HPCAL1: variants seen among roughly 807,000 people sequenced by gnomAD.
HPCAL1 encodes hippocalcin-like protein 1.
A neutral mutation model predicts 17.1 loss-of-function variants in HPCAL1; 8 were observed. That is an observed-to-expected ratio of 0.47 (90% CI 0.27 to 0.84). The LOEUF is 0.84. Ranked by LOEUF, HPCAL1 falls within the 40% of genes least tolerant of loss-of-function variation. HPCAL1 has a pLI of 0.13. For synonymous variants in HPCAL1, 112 were observed against 111.4 expected, an observed-to-expected ratio of 1.01 and a Z score of -0.03; for missense variants, 165 against 271.1, an observed-to-expected ratio of 0.61 and a Z score of 2.75.
At chr2:10,358,664 G>A (rs934976506) in intron 1 of HPCAL1, among the ~76,000 whole-genome samples, 4 of 152,166 alleles carry the variant, frequency 2.6e-5, no homozygotes, top group Non-Finnish European at 5.9e-5. Context: ...AACAGATGCC[G>A]GCACGCTGGC....
rs1305103099 is a variant in HPCAL1, at chr2:10,377,419, C to T, written c.-110-19416C>T. Among the ~76,000 whole-genome samples, 5 of 152,218 alleles carry T rather than the reference C, an allele frequency of 3.3e-5. No homozygotes were observed. Among genetic ancestry groups the T allele is most frequent in the Non-Finnish European group, 5.9e-5 (4 of 68,034 alleles). On this transcript the variant is annotated intron_variant, in intron 1 of 4. Coordinates refer to ENST00000307845, the MANE Select transcript of HPCAL1 (RefSeq NM_002149.4). This position sits in a 1 kb window ranked among gnomAD's most constrained non-coding sequence, Gnocchi z 5.9. The stretch of plus-strand genomic sequence containing the variant: ...TCTGCCGGCTGCTCAACTCTGTGGA[C>T]ACCAGTACAGTCAACAACTCTCACT...
At chr2:10,361,641 T>G (rs1666532447) in intron 1 of HPCAL1, among the ~76,000 whole-genome samples, 1 of 152,204 alleles carries the variant, frequency 6.6e-6, no homozygotes, top group African/African-American at 2.4e-5. Flanking sequence ...TATCTTTTGA[T>G]AATCACATAA....
chr2:10,407,439 C>T (rs922562385), intron 2 of HPCAL1, among the ~76,000 whole-genome samples: 6 of 152,354 alleles, frequency 3.9e-5, no homozygotes, highest in East Asian at 1.9e-4. Context: ...CTGTGCTAGG[C>T]GCTTGGAATA....
chr2:10,324,195 G>A (rs1037586312), intron 1 of HPCAL1, among the ~76,000 whole-genome samples: 1 of 152,206 alleles, frequency 6.6e-6, no homozygotes, highest in African/African-American at 2.4e-5. Context: ...CTGTTTCATT[G>A]TCATGTCAGT....
At chr2:10,382,071 C>T (rs938074972) in intron 1 of HPCAL1, among the ~76,000 whole-genome samples, 2 of 152,178 alleles carry the variant, frequency 1.3e-5, no homozygotes, top group Admixed American at 1.3e-4. Context: ...AGCTGTGGTG[C>T]ATCCAGACAA....
At position 10,342,337 on chromosome 2, in the gene HPCAL1, T is replaced by G; in HGVS notation, c.-111+39160T>G. Among the ~76,000 whole-genome samples the G allele has an allele frequency of 6.6e-6, 1 of 152,166 alleles. No homozygotes were observed. Among genetic ancestry groups the G allele is most frequent in the Middle Eastern group, 3.2e-3 (1 of 316 alleles). On this transcript the variant is annotated intron_variant, in intron 1 of 4. Transcript: ENST00000307845. This position sits in a 1 kb window ranked among gnomAD's most constrained non-coding sequence, Gnocchi z 4.1. Reference sequence around the variant, plus strand: ...CGCCCGCCTCCAGGGGCACACTGCATTCTTTGTGGAAGTGTCCCTGGAATG... The same window carrying G: ...CGCCCGCCTCCAGGGGCACACTGCAGTCTTTGTGGAAGTGTCCCTGGAATG...
intron 1 of HPCAL1, among the ~76,000 whole-genome samples, chr2:10,381,820 G>C (rs1261101034): frequency 1.3e-5 from 2 of 152,172 alleles, no homozygotes; most frequent in Non-Finnish European, 1.5e-5. Context: ...CTGCTGGTGG[G>C]AACGCAAAAC....
chr2:10,337,448 T>C (rs1664788319), intron 1 of HPCAL1, among the ~76,000 whole-genome samples: 1 of 152,132 alleles, frequency 6.6e-6, no homozygotes, highest in East Asian at 1.9e-4. Flanking sequence ...AGAACAATAT[T>C]ATTAGGTAGA....
chr2:10,423,972 A>G, intron 4 of HPCAL1: 1 of 153,744 alleles, frequency 6.5e-6, no homozygotes. Flanking sequence ...GGGCGCCTGT[A>G]GTCCCAGCTA....
At chr2:10,382,810 C>A (rs1476844820) in intron 1 of HPCAL1, among the ~76,000 whole-genome samples, 1 of 152,288 alleles carries the variant, frequency 6.6e-6, no homozygotes, top group Non-Finnish European at 1.5e-5. Flanking sequence ...GGAGTGTGCT[C>A]TCCACAGCAA....
intron 2 of HPCAL1, among the ~76,000 whole-genome samples, chr2:10,416,902 C>T (rs527277438): frequency 1.3e-5 from 2 of 152,128 alleles, no homozygotes; most frequent in Non-Finnish European, 2.9e-5. Context: ...CCCCTATCTG[C>T]ACATTGTTCT....
chr2:10,349,619 C>T (rs529178129), intron 1 of HPCAL1, among the ~76,000 whole-genome samples: 27 of 131,928 alleles, frequency 2.0e-4, no homozygotes, highest in African/African-American at 7.1e-4. Context: ...AGGAGAATGG[C>T]GTGAACCTGG....
chr2:10,360,177 G>A lies in HPCAL1; in HGVS notation c.-110-36658G>A, dbSNP rs116117686. On this transcript the variant is annotated intron_variant, in intron 1 of 4. Coordinates refer to ENST00000307845, the MANE Select transcript of HPCAL1 (RefSeq NM_002149.4). ...CTGCGGTCTCCAGGAGCTGGCAAGG[G>A]AGGGGTGCACCACCAGGGAAGGGAA... Among the ~76,000 whole-genome samples, 1,154 of 152,264 alleles carry A rather than the reference G, an allele frequency of 7.6e-3. 18 individuals carry two copies. The highest frequency in any genetic ancestry group is 0.027 in the African/African-American group (1,109 of 41,542).
intron 1 of HPCAL1, among the ~76,000 whole-genome samples, chr2:10,312,538 CCACCAT>C (rs1007685730): frequency 1.3e-5 from 2 of 151,078 alleles, no homozygotes. Context: ...ATCATCACCA[CCACCAT>C]CACCATCATC....
chr2:10,358,727 A>G (rs767839008), intron 1 of HPCAL1, among the ~76,000 whole-genome samples: 8 of 152,106 alleles, frequency 5.3e-5, no homozygotes, highest in Non-Finnish European at 1.0e-4. Context: ...GTCGGAGAAG[A>G]GTCAGGAAAA....
intron 2 of HPCAL1, among the ~76,000 whole-genome samples, chr2:10,401,166 G>A (rs1006832184): frequency 6.6e-6 from 1 of 152,148 alleles, no homozygotes; most frequent in African/African-American, 2.4e-5. Context: ...AGCCAGCCAG[G>A]CTCCTCCCCA....
chr2:10,375,316 G>A (rs1427402509), intron 1 of HPCAL1, among the ~76,000 whole-genome samples: 1 of 152,176 alleles, frequency 6.6e-6, no homozygotes, highest in African/African-American at 2.4e-5. Context: ...TTCTTACCTA[G>A]AATTCACCAG....
At chr2:10,420,195 C>G (rs968391293) in intron 3 of HPCAL1, 60 bp downstream of exon 3, 3 of 1,451,104 alleles carry the variant, frequency 2.1e-6, no homozygotes, top group South Asian at 1.3e-5. Flanking sequence ...CAGCTCCCAG[C>G]CCCCAGCCCA....
At chr2:10,311,608 A>G (rs10201248) in intron 1 of HPCAL1, among the ~76,000 whole-genome samples, 111,932 of 151,974 alleles carry the variant, frequency 0.74, 42,081 homozygotes, top group East Asian at 0.91. Context: ...CACAGTGTGG[A>G]TGGGAGTGGG....
Sources: allele counts gnomAD v4.1 joint callset (sites outside exome capture counted in the v4.1 genomes callset), GRCh38; gene constraint gnomAD v4.1.1; non-coding constraint Gnocchi (gnomAD v3.1); transcripts MANE v1.5; gene names NCBI Gene and HGNC (gene_info 2026-07-23, HGNC 2026-07-21).